PPP1R13B: variants seen among roughly 807,000 people sequenced by gnomAD.
The protein encoded by PPP1R13B is apoptosis-stimulating of p53 protein 1.
Under a neutral mutation model 119.8 loss-of-function variants are expected in PPP1R13B, and 44 were observed. The ratio of observed to expected loss-of-function variants is 0.37; its 90% CI spans 0.29 to 0.47. The LOEUF (loss-of-function observed/expected upper bound fraction) is 0.47, where lower values mean the gene tolerates loss of function less well. Among genes scored for constraint, PPP1R13B ranks in the 20% least tolerant of loss-of-function variants. The probability of loss-of-function intolerance (pLI) is 0.99; values close to 1 mark genes in which losing one functional copy is unlikely to be tolerated. For synonymous variants in PPP1R13B, 542 were observed against 561.5 expected, an observed-to-expected ratio of 0.97 and a Z score of 0.49; for missense variants, 1,227 against 1,413.5, an observed-to-expected ratio of 0.87 and a Z score of 2.12.
At chr14:103,794,337 T>G (rs1446541156) in intron 2 of PPP1R13B, among the ~76,000 whole-genome samples, 2 of 151,520 alleles carry the variant, frequency 1.3e-5, no homozygotes, top group Non-Finnish European at 2.9e-5. Flanking sequence ...TGTTTTTTTT[T>G]TTTTTTGAGA....
At chr14:103,812,266 G>A (rs2086177572) in intron 1 of PPP1R13B, among the ~76,000 whole-genome samples, 1 of 150,528 alleles carries the variant, frequency 6.6e-6, no homozygotes, top group Admixed American at 6.6e-5. Context: ...TGGGACTACA[G>A]GTGCCTGCCC....
chr14:103,777,926 C>T (rs2085245528), intron 4 of PPP1R13B, among the ~76,000 whole-genome samples: 1 of 151,564 alleles, frequency 6.6e-6, no homozygotes, highest in African/African-American at 2.4e-5. Flanking sequence ...TCCTGAGTAG[C>T]TGGGACTACA....
intron 3 of PPP1R13B, among the ~76,000 whole-genome samples, chr14:103,784,211 A>C (rs1419989269): frequency 1.3e-5 from 2 of 151,780 alleles, no homozygotes; most frequent in Admixed American, 6.6e-5. Context: ...TTAAACACCA[A>C]GTCCCTTTAT....
chr14:103,783,400 T>C (rs1005082627), intron 3 of PPP1R13B, among the ~76,000 whole-genome samples: 10 of 151,738 alleles, frequency 6.6e-5, no homozygotes, highest in African/African-American at 2.4e-4. Flanking sequence ...GCTGGGATTA[T>C]AGGCGCACAC....
In PPP1R13B at chr14:103,752,636, G is replaced by C. The variant is rs192725145; in HGVS notation, c.828+364C>G. Reference sequence around the variant, plus strand: ...TGCAGCTTCTGCCTCCCGGGTTCAAGTGATTCTTCTGCCTCAGCCTCCCAA... The same window carrying C: ...TGCAGCTTCTGCCTCCCGGGTTCAACTGATTCTTCTGCCTCAGCCTCCCAA... On this transcript the variant is annotated intron_variant, in intron 7 of 16. Coordinates refer to ENST00000202556, the MANE Select transcript of PPP1R13B (RefSeq NM_015316.3). Among the ~76,000 whole-genome samples the C allele has an allele frequency of 2.3e-3, 338 of 149,512 alleles. 1 individual carries two copies. Among genetic ancestry groups the C allele is most frequent in the Non-Finnish European group, 3.7e-3 (248 of 67,708 alleles).
chr14:103,754,006 G>T, intron 6 of PPP1R13B, 64 bp downstream of exon 6: 1 of 1,540,858 alleles, frequency 6.5e-7, no homozygotes. Flanking sequence ...CAGGCAGTTA[G>T]ACTATGTTTC....
At chr14:103,760,284 C>G (rs1027234205) in intron 4 of PPP1R13B, among the ~76,000 whole-genome samples, 1 of 152,140 alleles carries the variant, frequency 6.6e-6, no homozygotes, top group Admixed American at 6.6e-5. Flanking sequence ...TGCAAACTAT[C>G]CCTACTTACA....
chr14:103,833,073 T>C (rs1472873445), intron 1 of PPP1R13B, among the ~76,000 whole-genome samples: 1 of 152,174 alleles, frequency 6.6e-6, no homozygotes, highest in Non-Finnish European at 1.5e-5. Context: ...TGATAATGGT[T>C]GCTAAACAAT....
At chr14:103,784,101 A>G (rs758484060) in intron 3 of PPP1R13B, among the ~76,000 whole-genome samples, 10 of 152,142 alleles carry the variant, frequency 6.6e-5, no homozygotes, top group Non-Finnish European at 1.0e-4. Flanking sequence ...GCTTGCACCC[A>G]GGAGGCAGAG....
chr14:103,740,202 C>G lies in PPP1R13B; in HGVS notation c.2214G>C (p.Glu738Asp), dbSNP rs754770663. 2 of 1,613,820 alleles carry G rather than the reference C, an allele frequency of 1.2e-6. No homozygotes were observed. Among genetic ancestry groups the G allele is most frequent in the South Asian group, 2.2e-5 (2 of 91,082 alleles). The change falls in exon 12 of 17, where the codon GAG becomes GAC. Residue 738 changes from glutamate to aspartate, a missense_variant. Transcript: ENST00000202556. This position sits in a 1 kb window ranked among gnomAD's most constrained non-coding sequence, Gnocchi z 4.6. ...GGCTGGGCTGGTAGAAAGGGGTGCC[C>G]TCCATGCCACCGGCCAGGGTGTTGA... ...QRFNTLAGGM[E>D]GTPFYQPSPS...
Position 103,742,115 on chromosome 14 carries a change from CCT to C in PPP1R13B, c.1495_1496del (p.Arg499AlafsTer47). ...TGCCTGTGGCGGGCAGCAGGGTGGG[CCT>C]CTGTCGACTTGGCAGGCCTGCACTG... ...RPSAGLPSRQ[R>X]PTLLPATGST... On this transcript the variant is annotated frameshift_variant, in exon 11 of 17. Coordinates refer to ENST00000202556, the MANE Select transcript of PPP1R13B (RefSeq NM_015316.3). LOFTEE classifies it high-confidence loss of function. The surrounding 1 kb of genome is among the most constrained non-coding windows in gnomAD (Gnocchi z 4.9). The C allele has an allele frequency of 6.2e-7, 1 of 1,613,120 alleles. No homozygotes were observed. The highest frequency in any genetic ancestry group is 8.5e-7 in the Non-Finnish European group (1 of 1,179,976).
In PPP1R13B at chr14:103,834,492, C is replaced by G. The variant is rs12880167; in HGVS notation, c.9+12807G>C. 5.9e-5 allele frequency among the ~76,000 whole-genome samples: 9 copies of G among 151,524 alleles called. No individual in the cohort carries two copies. In the South Asian group the frequency reaches 1.0e-3, roughly 18 times the overall value. On this transcript the variant is annotated intron_variant, in intron 1 of 16. Coordinates refer to ENST00000202556, the MANE Select transcript of PPP1R13B (RefSeq NM_015316.3). ...CAAGAAGGGCTTTTCAGCTGACTGA[C>G]AGGACACTGCATGAAGTGAACCTTA... is the stretch of plus-strand genomic sequence containing the variant.
Position 103,737,858 on chromosome 14 carries a change from G to A in PPP1R13B, c.2867C>T (p.Thr956Met), listed in dbSNP as rs747911988. ...ACAAGAGGCAGCGCAGTGCAGCGGC[G>A]TCCTGGAATAGAGCGTGGGTGAAGG... ...NVNAADSDGW[T>M]PLHCAASCNS... Residue 956 changes from threonine to methionine, a missense_variant and splice_region_variant, in exon 15 of 17, where the codon ACG becomes ATG. Coordinates refer to ENST00000202556, the MANE Select transcript of PPP1R13B (RefSeq NM_015316.3). 1.1e-5 allele frequency: 18 copies of A among 1,613,018 alleles called. No homozygotes were observed. The highest frequency in any genetic ancestry group is 1.4e-5 in the Non-Finnish European group (17 of 1,179,680).
intron 4 of PPP1R13B, among the ~76,000 whole-genome samples, chr14:103,773,112 T>C (rs1382598831): frequency 1.3e-5 from 2 of 152,148 alleles, no homozygotes; most frequent in African/African-American, 4.8e-5. Flanking sequence ...ATAATAATAA[T>C]AAAAGCACCT....
chr14:103,845,736 A>C (rs1247906980), intron 1 of PPP1R13B, among the ~76,000 whole-genome samples: 1 of 152,222 alleles, frequency 6.6e-6, no homozygotes, highest in African/African-American at 2.4e-5. Context: ...GTATGAATGC[A>C]TCAATCAACT....
intron 1 of PPP1R13B, among the ~76,000 whole-genome samples, chr14:103,845,965 A>T (rs2087020533): frequency 6.6e-6 from 1 of 152,222 alleles, no homozygotes; most frequent in Admixed American, 6.5e-5. Context: ...GATCCTCAGG[A>T]CAGCGCTCAG....
At chr14:103,796,454 C>T (rs1269849153) in intron 2 of PPP1R13B, among the ~76,000 whole-genome samples, 1 of 152,082 alleles carries the variant, frequency 6.6e-6, no homozygotes, top group East Asian at 1.9e-4. Flanking sequence ...GATGGCTAAA[C>T]TCAAGCAGAC....
chr14:103,800,939 C>T (rs1411896393), intron 1 of PPP1R13B, among the ~76,000 whole-genome samples: 1 of 152,090 alleles, frequency 6.6e-6, no homozygotes, highest in African/African-American at 2.4e-5. Context: ...CAACCTCCGC[C>T]TCCTGGGTTC....
Position 103,738,991 on chromosome 14 carries a change from C to A in PPP1R13B, c.2625G>T (p.Ser875=). 1 of 1,613,990 alleles carries A rather than the reference C, an allele frequency of 6.2e-7. No homozygotes were observed. The highest frequency in any genetic ancestry group is 8.5e-7 in the Non-Finnish European group (1 of 1,179,944). Residue 875 remains serine, a synonymous_variant, in exon 13 of 17, where the codon TCG becomes TCT. Coordinates refer to ENST00000202556, the MANE Select transcript of PPP1R13B (RefSeq NM_015316.3). The surrounding 1 kb of genome is among the most constrained non-coding windows in gnomAD (Gnocchi z 5.6). ...NKRTNLKKPN[S]ERTGHGLRVR... is the part of the protein sequence containing the mutation. ...CTCTCAGCCCGTGCCCCGTCCGCTC[C>A]GAGTTGGGCTTCTTCAAGTTGGTCC... is the stretch of plus-strand genomic sequence containing the variant.
Sources: gnomAD v4.1 joint callset for allele counts (sites outside exome capture counted in the v4.1 genomes callset) on GRCh38, gnomAD v4.1.1 for gene constraint, Gnocchi (gnomAD v3.1) non-coding constraint, MANE v1.5 for transcripts, NCBI Gene and HGNC (gene_info 2026-07-23, HGNC 2026-07-21) for gene names.